The following STYXL2 variants were observed in gnomAD, a reference collection of about 807,000 sequenced individuals.
STYXL2 encodes the protein serine/threonine/tyrosine-interacting-like protein 2.
In STYXL2, 44 loss-of-function variants were observed where a neutral mutation model predicts 52.4. The ratio of observed to expected loss-of-function variants is 0.84; its 90% CI spans 0.66 to 1.08. The LOEUF (loss-of-function observed/expected upper bound fraction) is 1.08. Ranked by LOEUF, STYXL2 falls within the 50% of genes least tolerant of loss-of-function variation. STYXL2 has a pLI of 0.00. For missense variants in STYXL2, 1,604 were observed against 1,471.7 expected, an observed-to-expected ratio of 1.09 and a Z score of -1.47; for synonymous variants, 604 against 586.9, an observed-to-expected ratio of 1.03 and a Z score of -0.42.
In STYXL2 at chr1:167,127,172, AC is replaced by A; in HGVS notation, c.2044del (p.Gln682ArgfsTer14). On this transcript the variant is annotated frameshift_variant, in exon 6 of 6. Coordinates refer to ENST00000361200, the MANE Select transcript of STYXL2 (RefSeq NM_001080426.3). LOFTEE classifies it low-confidence loss of function (END_TRUNC). The stretch of plus-strand genomic sequence containing the variant: ...TGGGGACACGACGTCAGTACTGAGC[AC>A]CCAGAGCCACCGCTCCCACCTGTCT... The part of the protein sequence containing the change: ...ADGDTTSVLS[T>X]QSHRSHLSQA... 6.2e-7 allele frequency: 1 copy of A among 1,614,018 alleles called. No individual in the cohort carries two copies.
intron 2 of STYXL2, among the ~76,000 whole-genome samples, chr1:167,108,949 A>G (rs6667837): frequency 0.34 from 52,197 of 152,036 alleles, 10,463 homozygotes; most frequent in East Asian, 0.73. Flanking sequence ...TCCTAGAGGT[A>G]AAATGAATTT....
chr1:167,121,823 C>T (rs927002058), intron 5 of STYXL2, among the ~76,000 whole-genome samples: 1 of 152,376 alleles, frequency 6.6e-6, no homozygotes, highest in African/African-American at 2.4e-5. Flanking sequence ...CGGGCATCTC[C>T]TCCCGATTCA....
intron 2 of STYXL2, among the ~76,000 whole-genome samples, chr1:167,101,277 A>G (rs1401946764): frequency 6.6e-6 from 1 of 152,230 alleles, no homozygotes; most frequent in Non-Finnish European, 1.5e-5. Flanking sequence ...ACAGTGAGTT[A>G]CCGTTACATT....
intron 2 of STYXL2, among the ~76,000 whole-genome samples, chr1:167,095,566 C>G (rs928526568): frequency 5.3e-5 from 8 of 152,204 alleles, no homozygotes; most frequent in African/African-American, 1.7e-4. Flanking sequence ...AAATCATCGA[C>G]GTTATGTTAT....
chr1:167,128,628 C>T lies in STYXL2; in HGVS notation c.*20C>T, dbSNP rs974542597. On this transcript the variant is annotated 3_prime_UTR_variant, in exon 6 of 6. Transcript: ENST00000361200. The stretch of plus-strand genomic sequence containing the variant: ...GACTGAGCTGGGGAAAATCTGAGAA[C>T]ACTGAAAGAAACCACTCACGTTAGC... The T allele has an allele frequency of 1.9e-6, 3 of 1,596,738 alleles. No individual in the cohort carries two copies. Among genetic ancestry groups the T allele is most frequent in the Non-Finnish European group, 2.6e-6 (3 of 1,174,754 alleles).
At chr1:167,123,816 G>C (rs1047490018) in intron 5 of STYXL2, among the ~76,000 whole-genome samples, 4 of 152,154 alleles carry the variant, frequency 2.6e-5, no homozygotes, top group African/African-American at 9.7e-5. Flanking sequence ...TAGAGACAGG[G>C]TTTTGCCATG....
chr1:167,107,872 A>C (rs1667537163), intron 2 of STYXL2, among the ~76,000 whole-genome samples: 1 of 152,190 alleles, frequency 6.6e-6, no homozygotes, highest in East Asian at 1.9e-4. Flanking sequence ...ATCAAGGAAG[A>C]CTTCCCTAAA....
chr1:167,124,102 A>AGG (rs1667913256), intron 5 of STYXL2, among the ~76,000 whole-genome samples: 1 of 150,878 alleles, frequency 6.6e-6, no homozygotes, highest in Non-Finnish European at 1.5e-5. Context: ...TTTAGAGACG[A>AGG]GGTTTCGCTA....
chr1:167,107,880 A>C (rs574241799), intron 2 of STYXL2, among the ~76,000 whole-genome samples: 1 of 152,326 alleles, frequency 6.6e-6, no homozygotes, highest in South Asian at 2.1e-4. Flanking sequence ...AGACTTCCCT[A>C]AAGAAGGGAC....
At chr1:167,120,955 T>A in intron 5 of STYXL2, among the ~76,000 whole-genome samples, 1 of 149,178 alleles carries the variant, frequency 6.7e-6, no homozygotes, top group Admixed American at 6.7e-5. Context: ...TATACACACA[T>A]ACACACACTC....
At chr1:167,113,055 C>T (rs1212343772) in intron 2 of STYXL2, among the ~76,000 whole-genome samples, 1 of 152,122 alleles carries the variant, frequency 6.6e-6, no homozygotes, top group Non-Finnish European at 1.5e-5. Flanking sequence ...TTGACAACTG[C>T]ACCGAATTAT....
chr1:167,107,531 A>G (rs903860871), intron 2 of STYXL2, among the ~76,000 whole-genome samples: 2 of 152,262 alleles, frequency 1.3e-5, no homozygotes, highest in Non-Finnish European at 2.9e-5. Flanking sequence ...TTTGAGACTT[A>G]CTACTGGTGT....
At position 167,126,524 on chromosome 1, in the gene STYXL2, A is replaced by AGGCGCCGCGCAGACTCGAT; in HGVS notation, c.1395_1413dup (p.Ser472AlafsTer23). 4.3e-6 allele frequency: 7 copies of AGGCGCCGCGCAGACTCGAT among 1,613,018 alleles called. No homozygotes were observed. Among genetic ancestry groups the AGGCGCCGCGCAGACTCGAT allele is most frequent in the Non-Finnish European group, 5.1e-6 (6 of 1,179,714 alleles). On this transcript the variant is annotated frameshift_variant, in exon 6 of 6. Coordinates refer to ENST00000361200, the MANE Select transcript of STYXL2 (RefSeq NM_001080426.3). LOFTEE classifies it low-confidence loss of function (END_TRUNC). ...GCTGAACCGCCCGGACCACGGCAGG[A>AGGCGCCGCGCAGACTCGAT]GGCGCCGCGCAGACTCGATGTCCTC...
intron 4 of STYXL2, among the ~76,000 whole-genome samples, chr1:167,118,316 T>G (rs1031952676): frequency 2.6e-5 from 4 of 152,230 alleles, no homozygotes; most frequent in Non-Finnish European, 4.4e-5. Context: ...TGAAACAAAT[T>G]TTTGCTGACT....
Position 167,126,408 on chromosome 1 carries a change from C to G in STYXL2, c.1277C>G (p.Ser426Trp). ...GAGGAGGAGAGCGACGCTGGCTCCT[C>G]GGTGGGGAGGCGGCGGCGCACCCTG... Reference protein sequence around the residue: ...EKEEESDAGSSVGRRRRTLSE... With the variant: ...EKEEESDAGSWVGRRRRTLSE... Residue 426 changes from serine (S) to tryptophan (W), a missense_variant, in exon 6 of 6, where the codon TCG becomes TGG. Transcript: ENST00000361200. The G allele has an allele frequency of 1.3e-6, 2 of 1,558,594 alleles. No individual in the cohort carries two copies. Among genetic ancestry groups the G allele is most frequent in the Non-Finnish European group, 8.7e-7 (1 of 1,151,530 alleles).
intron 2 of STYXL2, 41 bp downstream of exon 2, chr1:167,095,000 G>T: frequency 6.7e-7 from 1 of 1,481,590 alleles, no homozygotes; most frequent in Non-Finnish European, 9.3e-7. Flanking sequence ...GCCCCAGCTG[G>T]GAGGGGCTGG....
chr1:167,127,967 G>A lies in STYXL2; in HGVS notation c.2836G>A (p.Glu946Lys). ...NKWLSGLRTEEKPPFQSDWSG... is the reference protein window; with the variant it reads ...NKWLSGLRTEKKPPFQSDWSG... ...GTGGCTCAGTGGCCTCAGGACGGAG[G>A]AAAAACCTCCTTTCCAAAGTGACTG... The change falls in exon 6 of 6, where the codon GAA (glutamate) becomes AAA (lysine). Residue 946 changes from glutamate to lysine, a missense_variant. Transcript: ENST00000361200. 2 of 1,614,186 alleles carry A rather than the reference G, an allele frequency of 1.2e-6. No individual in the cohort carries two copies. The highest frequency in any genetic ancestry group is 1.7e-6 in the Non-Finnish European group (2 of 1,180,034).
In STYXL2 at chr1:167,126,880, C is replaced by G; in HGVS notation, c.1749C>G (p.Asp583Glu). The change falls in exon 6 of 6, where the codon GAC becomes GAG. Residue 583 changes from aspartate (D) to glutamate (E), a missense_variant. Asp to Glu is a conservative substitution (Grantham distance 45). Transcript: ENST00000361200. ...CAGTAGGGGAGAAGAACCCCTCCGA[C>G]GTCAGCCTGACAGCCTACCAGGCCT... ...EEAVGEKNPS[D>E]VSLTAYQAWK... 6.2e-7 allele frequency: 1 copy of G among 1,612,930 alleles called. No homozygotes were observed. Among genetic ancestry groups the G allele is most frequent in the Non-Finnish European group, 8.5e-7 (1 of 1,179,332 alleles).
intron 2 of STYXL2, 82 bp from the exon 3 acceptor site, chr1:167,113,628 C>A: frequency 9.0e-7 from 1 of 1,117,284 alleles, no homozygotes; most frequent in South Asian, 1.3e-5. Context: ...TTGCTAAAAT[C>A]AAAGCCAGGT....
Sources: allele counts gnomAD v4.1 joint callset (sites outside exome capture counted in the v4.1 genomes callset), GRCh38; gene constraint gnomAD v4.1.1; transcripts MANE v1.5; gene names NCBI Gene and HGNC (gene_info 2026-07-23, HGNC 2026-07-21).